The following ANGPT1 variants were observed in gnomAD, a reference collection of about 807,000 sequenced individuals.
ANGPT1 encodes the protein angiopoietin-1.
In ANGPT1, 17 loss-of-function variants were observed where a neutral mutation model predicts 62.2. The observed-to-expected ratio is 0.27, with a 90% CI of 0.19 to 0.41. ANGPT1 has a LOEUF of 0.41. ANGPT1 is among the 10% of genes least tolerant of loss of function. ANGPT1 has a pLI of 1.00. For synonymous variants in ANGPT1, 199 were observed against 198.9 expected, an observed-to-expected ratio of 1.00 and a Z score of 0.00; for missense variants, 478 against 594.9, an observed-to-expected ratio of 0.80 and a Z score of 2.04.
chr8:107,353,719 A>G (rs1449335670), intron 1 of ANGPT1, among the ~76,000 whole-genome samples: 2 of 152,140 alleles, frequency 1.3e-5, no homozygotes, highest in African/African-American at 2.4e-5. Context: ...GTCTTAGCAT[A>G]TATGTGGTAA....
intron 2 of ANGPT1, among the ~76,000 whole-genome samples, chr8:107,341,457 A>G (rs2130138032): frequency 6.6e-6 from 1 of 151,862 alleles, no homozygotes; most frequent in East Asian, 1.9e-4. Context: ...AACTCCTATA[A>G]AAGTTTTAGT....
At chr8:107,417,215 T>C (rs1192957954) in intron 1 of ANGPT1, among the ~76,000 whole-genome samples, 1 of 152,140 alleles carries the variant, frequency 6.6e-6, no homozygotes, top group Non-Finnish European at 1.5e-5. Flanking sequence ...AAAACCTATA[T>C]GTATGTGACA....
chr8:107,396,870 T>C (rs1385172637), intron 1 of ANGPT1, among the ~76,000 whole-genome samples: 2 of 152,040 alleles, frequency 1.3e-5, no homozygotes, highest in Non-Finnish European at 2.9e-5. Flanking sequence ...ACAGTTTTAT[T>C]TCCTACTATT....
intron 1 of ANGPT1, among the ~76,000 whole-genome samples, chr8:107,387,692 G>A (rs1011603401): frequency 1.3e-5 from 2 of 151,706 alleles, no homozygotes; most frequent in African/African-American, 4.8e-5. Context: ...CTTTGACAGA[G>A]AAAAAAATGG....
At chr8:107,479,143 T>C (rs1307545564) in intron 1 of ANGPT1, among the ~76,000 whole-genome samples, 1 of 151,998 alleles carries the variant, frequency 6.6e-6, no homozygotes, top group African/African-American at 2.4e-5. Context: ...CTTCCAGATT[T>C]TTTTTTTGTT....
At chr8:107,327,053 G>A (rs1189951630) in intron 3 of ANGPT1, among the ~76,000 whole-genome samples, 1 of 152,036 alleles carries the variant, frequency 6.6e-6, no homozygotes, top group East Asian at 1.9e-4. Context: ...TCTCCATTTA[G>A]TTGTTCTGGG....
At chr8:107,256,492 T>G (rs1813359693) in intron 8 of ANGPT1, among the ~76,000 whole-genome samples, 1 of 152,232 alleles carries the variant, frequency 6.6e-6, no homozygotes, top group South Asian at 2.1e-4. Flanking sequence ...TCATATGCAT[T>G]CCTTGTATTT....
At chr8:107,432,992 T>C (rs1283682) in intron 1 of ANGPT1, among the ~76,000 whole-genome samples, 109,323 of 152,076 alleles carry the variant, frequency 0.72, 39,630 homozygotes, top group East Asian at 0.85. Flanking sequence ...ATAAAAGCAA[T>C]GATGTCTTGA....
chr8:107,429,638 G>A (rs1211606639), intron 1 of ANGPT1, among the ~76,000 whole-genome samples: 1 of 112,234 alleles, frequency 8.9e-6, no homozygotes, highest in Non-Finnish European at 1.8e-5. Flanking sequence ...CTATTGCTGA[G>A]CTCCAGGAGG....
chr8:107,479,152 T>C (rs1812612946), intron 1 of ANGPT1, among the ~76,000 whole-genome samples: 1 of 150,690 alleles, frequency 6.6e-6, no homozygotes, highest in Non-Finnish European at 1.5e-5. Flanking sequence ...TTTTTTTTTG[T>C]TTTGGGGATT....
chr8:107,349,650 A>G (rs1483610299), intron 1 of ANGPT1, among the ~76,000 whole-genome samples: 4 of 152,158 alleles, frequency 2.6e-5, no homozygotes, highest in African/African-American at 9.7e-5. Flanking sequence ...TGCTTTATAG[A>G]TGAGACTATT....
At chr8:107,455,866 G>T (rs903762079) in intron 1 of ANGPT1, among the ~76,000 whole-genome samples, 5 of 151,942 alleles carry the variant, frequency 3.3e-5, no homozygotes, top group Non-Finnish European at 7.4e-5. Context: ...TCTTTTGTCA[G>T]TATTTTCAAG....
At chr8:107,475,542 T>C (rs993150490) in intron 1 of ANGPT1, among the ~76,000 whole-genome samples, 1 of 152,142 alleles carries the variant, frequency 6.6e-6, no homozygotes, top group African/African-American at 2.4e-5. Context: ...ACTTCATGTC[T>C]AAAACACCAA....
chr8:107,486,581 T>TA (rs1405987937), intron 1 of ANGPT1, among the ~76,000 whole-genome samples: 1 of 152,200 alleles, frequency 6.6e-6, no homozygotes, highest in African/African-American at 2.4e-5. Flanking sequence ...TGACAGGACT[T>TA]ATGCAAAGTA....
intron 5 of ANGPT1, among the ~76,000 whole-genome samples, chr8:107,299,464 TATATATATACTAAGC>T (rs1260098503): frequency 8.1e-4 from 115 of 141,966 alleles, no homozygotes; most frequent in African/African-American, 2.5e-3. Context: ...ACACTAAGCA[TATATATATACTAAGC>T]ATATATATAC....
chr8:107,421,676 T>A (rs947544564), intron 1 of ANGPT1, among the ~76,000 whole-genome samples: 3 of 152,166 alleles, frequency 2.0e-5, no homozygotes, highest in Non-Finnish European at 4.4e-5. Flanking sequence ...GTTTGCTTAA[T>A]AAGATCTCCA....
intron 4 of ANGPT1, among the ~76,000 whole-genome samples, chr8:107,313,860 T>G (rs571073475): frequency 1.3e-5 from 2 of 152,326 alleles, no homozygotes; most frequent in East Asian, 3.9e-4. Context: ...ATTCCCCAGA[T>G]TTTACCTTCT....
At chr8:107,452,847 G>A (rs909876664) in intron 1 of ANGPT1, among the ~76,000 whole-genome samples, 1 of 151,908 alleles carries the variant, frequency 6.6e-6, no homozygotes, top group Non-Finnish European at 1.5e-5. Context: ...CTCAATAAAT[G>A]CTTGTTTTTT....
rs956316948 is a variant in ANGPT1 at position 107,252,069 on chromosome 8, A to C, written c.1337-54T>G. 3 of 1,553,156 alleles carry C rather than the reference A, an allele frequency of 1.9e-6. No individual in the cohort carries two copies. The African/African-American group carries it at 4.1e-5, about 21-fold the overall frequency. Reference sequence around the variant, plus strand: ...GAAGGAGAGGCAACAATTTTAAGTAAATGGAATATTTGGAAATTAATGGCA... The same window carrying C: ...GAAGGAGAGGCAACAATTTTAAGTACATGGAATATTTGGAAATTAATGGCA... On this transcript the variant is annotated intron_variant, in intron 8 of 8. Coordinates refer to ENST00000517746, the MANE Select transcript of ANGPT1 (RefSeq NM_001146.5).
Sources: gnomAD v4.1 joint callset for allele counts (sites outside exome capture counted in the v4.1 genomes callset) on GRCh38, gnomAD v4.1.1 for gene constraint, MANE v1.5 for transcripts, NCBI Gene and HGNC (gene_info 2026-07-23, HGNC 2026-07-21) for gene names.